Variants in AKAP19 observed in about 807,000 individuals in gnomAD.
AKAP19 encodes the protein A-kinase anchoring protein 19.
At chr2:189,904,400 G>A in the AKAP19 span, among the ~76,000 whole-genome samples, 2 of 151,948 alleles carry the variant, frequency 1.3e-5, no homozygotes. Context: ...ATTATACACA[G>A]GTTCTTACAG....
At chr2:190,130,701 G>A in the AKAP19 span, among the ~76,000 whole-genome samples, 3 of 152,102 alleles carry the variant, frequency 2.0e-5, no homozygotes, top group East Asian at 3.8e-4. Flanking sequence ...CCTGGATCTC[G>A]CTAGCTATCA....
the AKAP19 span, among the ~76,000 whole-genome samples, chr2:190,132,709 A>G: frequency 6.6e-6 from 1 of 152,198 alleles, no homozygotes; most frequent in Non-Finnish European, 1.5e-5. Flanking sequence ...GGAAAGCTCT[A>G]TGACATTACT....
the AKAP19 span, among the ~76,000 whole-genome samples, chr2:190,016,042 G>A: frequency 6.6e-6 from 1 of 152,132 alleles, no homozygotes; most frequent in Non-Finnish European, 1.5e-5. Context: ...AAGTCTCTAG[G>A]AAGTTCCAAA....
At chr2:190,107,585 T>C in the AKAP19 span, among the ~76,000 whole-genome samples, 1 of 152,334 alleles carries the variant, frequency 6.6e-6, no homozygotes, top group African/African-American at 2.4e-5. Context: ...TTCAGGATGA[T>C]GTCCAGCCTC....
At chr2:190,048,363 C>T in the AKAP19 span, among the ~76,000 whole-genome samples, 1 of 152,178 alleles carries the variant, frequency 6.6e-6, no homozygotes. Flanking sequence ...TCTAGACTAA[C>T]TGACACCAAG....
At chr2:189,946,015 C>T in the AKAP19 span, among the ~76,000 whole-genome samples, 1 of 152,252 alleles carries the variant, frequency 6.6e-6, no homozygotes, top group South Asian at 2.1e-4. Context: ...TATAATGTAA[C>T]AAGTTTTGGA....
At chr2:189,958,522 C>CACAT in the AKAP19 span, among the ~76,000 whole-genome samples, 11 of 143,746 alleles carry the variant, frequency 7.7e-5, no homozygotes, top group African/African-American at 2.5e-4. Context: ...ACACACATAA[C>CACAT]ATATATATAT....
At chr2:190,121,113 C>CTTTT in the AKAP19 span, among the ~76,000 whole-genome samples, 4 of 133,630 alleles carry the variant, frequency 3.0e-5, no homozygotes, top group Non-Finnish European at 4.8e-5. Flanking sequence ...AAATCTAAGT[C>CTTTT]TTTTTTTTTT....
the AKAP19 span, among the ~76,000 whole-genome samples, chr2:190,192,629 TTGTCTTTCAGATCA>T: frequency 3.9e-5 from 6 of 152,124 alleles, no homozygotes; most frequent in African/African-American, 1.4e-4. Context: ...ACTAAGAATA[TTGTCTTTCAGATCA>T]TGAACAGCAT....
At chr2:189,898,638 A>G in the AKAP19 span, among the ~76,000 whole-genome samples, 1 of 152,210 alleles carries the variant, frequency 6.6e-6, no homozygotes, top group Non-Finnish European at 1.5e-5. Flanking sequence ...AGTTGGGAAC[A>G]TGGGAACCAT....
the AKAP19 span, among the ~76,000 whole-genome samples, chr2:189,905,862 G>A: frequency 2.6e-4 from 40 of 152,086 alleles, no homozygotes; most frequent in African/African-American, 8.9e-4. Context: ...CCGGAAGGTA[G>A]CAATTTGGTT....
At chr2:190,159,696 CT>C in the AKAP19 span, among the ~76,000 whole-genome samples, 1 of 152,148 alleles carries the variant, frequency 6.6e-6, no homozygotes, top group East Asian at 1.9e-4. Flanking sequence ...GCCAGTAGCT[CT>C]GTGATCTCTG....
At chr2:190,094,301 T>C in the AKAP19 span, among the ~76,000 whole-genome samples, 6 of 152,328 alleles carry the variant, frequency 3.9e-5, 1 homozygote, top group South Asian at 1.2e-3. Flanking sequence ...CCCTAGTGCC[T>C]TTAGTGTACC....
At chr2:189,882,755 C>G in the AKAP19 span, among the ~76,000 whole-genome samples, 1 of 152,032 alleles carries the variant, frequency 6.6e-6, no homozygotes, top group Admixed American at 6.5e-5. Flanking sequence ...GGGTAAAGAT[C>G]TTGAGGCCCA....
chr2:189,893,446 C>T, the AKAP19 span, among the ~76,000 whole-genome samples: 1 of 152,240 alleles, frequency 6.6e-6, no homozygotes, highest in African/African-American at 2.4e-5. Context: ...GGCACAGTCC[C>T]TCAAGGCTTC....
At chr2:189,975,372 C>A in the AKAP19 span, among the ~76,000 whole-genome samples, 2 of 152,218 alleles carry the variant, frequency 1.3e-5, no homozygotes, top group Non-Finnish European at 2.9e-5. Context: ...ATGGGCTTCC[C>A]TTTGTGGGTA....
the AKAP19 span, among the ~76,000 whole-genome samples, chr2:190,156,572 A>C: frequency 6.6e-6 from 1 of 152,242 alleles, no homozygotes; most frequent in Non-Finnish European, 1.5e-5. Context: ...AGTGCTTACA[A>C]ATGAATAAAA....
the AKAP19 span, among the ~76,000 whole-genome samples, chr2:189,919,200 A>T: frequency 6.6e-6 from 1 of 152,200 alleles, no homozygotes; most frequent in Admixed American, 6.5e-5. Context: ...AGGCAAACCC[A>T]TAAAGACAGA....
At chr2:190,146,171 G>A in the AKAP19 span, among the ~76,000 whole-genome samples, 3 of 151,752 alleles carry the variant, frequency 2.0e-5, no homozygotes, top group Non-Finnish European at 2.9e-5. Context: ...TCTTCCCCCA[G>A]GTCCCCAAAG....
Sources: allele counts gnomAD v4.1 joint callset (sites outside exome capture counted in the v4.1 genomes callset), GRCh38; gene constraint gnomAD v4.1.1; transcripts MANE v1.5; gene names NCBI Gene and HGNC (gene_info 2026-07-23, HGNC 2026-07-21).